Variants in ADAMTS17 observed in about 807,000 individuals in gnomAD.
ADAMTS17 encodes A disintegrin and metalloproteinase with thrombospondin motifs 17.
A neutral mutation model predicts 141.5 loss-of-function variants in ADAMTS17; 113 were observed. The observed-to-expected ratio is 0.80, with a 90% CI of 0.69 to 0.93. The LOEUF (loss-of-function observed/expected upper bound fraction) is 0.93, where lower values mean the gene tolerates loss of function less well. Among genes scored for constraint, ADAMTS17 ranks in the 40% least tolerant of loss-of-function variants. ADAMTS17 has a pLI of 0.00. For synonymous variants in ADAMTS17, 768 were observed against 630.6 expected, an observed-to-expected ratio of 1.22 and a Z score of -3.27; for missense variants, 1,659 against 1,517.9, an observed-to-expected ratio of 1.09 and a Z score of -1.54.
At chr15:100,314,729 A>C (rs1192701293) in intron 3 of ADAMTS17, among the ~76,000 whole-genome samples, 1 of 152,214 alleles carries the variant, frequency 6.6e-6, no homozygotes, top group Non-Finnish European at 1.5e-5. Context: ...TCGTCAGACA[A>C]GACTTTGGTT....
chr15:100,279,719 C>T (rs1333770740), intron 4 of ADAMTS17, among the ~76,000 whole-genome samples: 1 of 152,170 alleles, frequency 6.6e-6, no homozygotes, highest in Non-Finnish European at 1.5e-5. Flanking sequence ...AACCTTCGCA[C>T]CCCTTTCCCT....
intron 18 of ADAMTS17, among the ~76,000 whole-genome samples, chr15:100,027,133 C>T (rs1437235519): frequency 1.3e-5 from 2 of 152,202 alleles, no homozygotes; most frequent in Non-Finnish European, 2.9e-5. Context: ...CGCACTTTGT[C>T]TCTCTTTCCT....
intron 3 of ADAMTS17, among the ~76,000 whole-genome samples, chr15:100,299,080 G>A (rs1010968215): frequency 3.9e-5 from 6 of 152,018 alleles, no homozygotes; most frequent in African/African-American, 1.2e-4. Context: ...CAGATTAGGG[G>A]ACCCACCTTC....
At chr15:100,122,464 A>G (rs1434292821) in intron 12 of ADAMTS17, among the ~76,000 whole-genome samples, 2 of 152,160 alleles carry the variant, frequency 1.3e-5, no homozygotes, top group African/African-American at 4.8e-5. Flanking sequence ...TCTCTATAAC[A>G]CAGGGCCTCT....
At chr15:100,242,964 A>G (rs1242268622) in intron 7 of ADAMTS17, among the ~76,000 whole-genome samples, 1 of 152,208 alleles carries the variant, frequency 6.6e-6, no homozygotes, top group Non-Finnish European at 1.5e-5. Context: ...AACTCTGCCC[A>G]TTAAACACAA....
intron 3 of ADAMTS17, among the ~76,000 whole-genome samples, chr15:100,284,427 TG>T (rs2142093524): frequency 6.6e-6 from 1 of 152,316 alleles, no homozygotes; most frequent in African/African-American, 2.4e-5. Context: ...GGATGAATAA[TG>T]ACACTTGCTC....
At chr15:100,045,554 G>A (rs768805958) in intron 18 of ADAMTS17, among the ~76,000 whole-genome samples, 4 of 152,218 alleles carry the variant, frequency 2.6e-5, no homozygotes, top group Non-Finnish European at 2.9e-5. Flanking sequence ...TGGCCGGCCT[G>A]TCTTATTCTT....
intron 7 of ADAMTS17, among the ~76,000 whole-genome samples, chr15:100,251,597 C>A (rs2043156329): frequency 6.6e-6 from 1 of 152,162 alleles, no homozygotes. Context: ...TGGTGGCAGG[C>A]ACCTGTAGTC....
chr15:100,125,546 C>T (rs922654680), intron 12 of ADAMTS17, among the ~76,000 whole-genome samples: 7 of 152,186 alleles, frequency 4.6e-5, no homozygotes, highest in Non-Finnish European at 8.8e-5. Context: ...CCTGCTGCAC[C>T]TGCTGGGATG....
intron 18 of ADAMTS17, among the ~76,000 whole-genome samples, chr15:100,030,815 C>A (rs1336796737): frequency 6.6e-6 from 1 of 152,120 alleles, no homozygotes; most frequent in Non-Finnish European, 1.5e-5. Flanking sequence ...CTGGAAAATA[C>A]CAGCATGGGT....
chr15:100,229,191 T>C (rs920077259), intron 7 of ADAMTS17, among the ~76,000 whole-genome samples: 1 of 152,100 alleles, frequency 6.6e-6, no homozygotes, highest in East Asian at 1.9e-4. Context: ...CCAGCACAGC[T>C]TTAAGTCCTG....
At chr15:100,044,210 A>G (rs929328213) in intron 18 of ADAMTS17, among the ~76,000 whole-genome samples, 1 of 152,254 alleles carries the variant, frequency 6.6e-6, no homozygotes, top group East Asian at 1.9e-4. Context: ...TCTTTCACAA[A>G]CCTGGGAAAT....
chr15:100,068,779 A>G (rs1468677370), intron 15 of ADAMTS17, among the ~76,000 whole-genome samples: 1 of 152,226 alleles, frequency 6.6e-6, no homozygotes, highest in Non-Finnish European at 1.5e-5. Context: ...GACCAAAGGT[A>G]GATAAAACCA....
At chr15:100,008,352 T>C (rs2573662) in intron 18 of ADAMTS17, among the ~76,000 whole-genome samples, 92,198 of 151,878 alleles carry the variant, frequency 0.61, 28,575 homozygotes, top group African/African-American at 0.74. Context: ...GACCAAGAGG[T>C]AGAAGCAGCC....
chr15:100,152,946 A>G (rs1182388894), intron 9 of ADAMTS17, among the ~76,000 whole-genome samples, 184 bp from the exon 10 acceptor site: 11 of 21,732 alleles, frequency 5.1e-4, no homozygotes, highest in African/African-American at 8.8e-4. Flanking sequence ...CTCTTTTTCT[A>G]CATGGCCAAA....
chr15:100,265,306 G>A (rs967779523), intron 4 of ADAMTS17, among the ~76,000 whole-genome samples: 3 of 152,182 alleles, frequency 2.0e-5, no homozygotes, highest in Non-Finnish European at 2.9e-5. Flanking sequence ...ACAAAGTCTC[G>A]TCTTCTTTTT....
intron 7 of ADAMTS17, among the ~76,000 whole-genome samples, chr15:100,250,010 C>G (rs1258149903): frequency 6.6e-6 from 1 of 152,142 alleles, no homozygotes; most frequent in Non-Finnish European, 1.5e-5. Context: ...TGTGGAAGTA[C>G]TGGATGCCAC....
At position 100,209,522 on chromosome 15, in the gene ADAMTS17, C is replaced by G. The variant is rs144319316; in HGVS notation, c.1076-10099G>C. Among the ~76,000 whole-genome samples, 282 of 152,266 alleles carry G rather than the reference C, an allele frequency of 1.9e-3. 3 individuals carry two copies. Among genetic ancestry groups the G allele is most frequent in the Non-Finnish European group, 2.3e-3 (154 of 68,018 alleles). On this transcript the variant is annotated intron_variant, in intron 7 of 21. Transcript: ENST00000268070. ...GTCAAACTACCATGACAAGCCCTCC[C>G]TTCTGATGGCCCAGGGGAAGCCCTA...
rs1426135183 is a variant in ADAMTS17, at chr15:100,051,818, G to C, written c.2296-87C>G. 2.6e-6 allele frequency: 4 copies of C among 1,547,288 alleles called. No individual in the cohort carries two copies. In the African/African-American group the frequency reaches 4.1e-5, roughly 16 times the overall value. On this transcript the variant is annotated intron_variant, in intron 16 of 21. Coordinates refer to ENST00000268070, the MANE Select transcript of ADAMTS17 (RefSeq NM_139057.4). ...AATCTGCACACACAGGCACACTGCG[G>C]CTGTTTCTTTATGAGGGGTAACCAG...
Sources: allele counts gnomAD v4.1 joint callset (sites outside exome capture counted in the v4.1 genomes callset), GRCh38; gene constraint gnomAD v4.1.1; transcripts MANE v1.5; gene names NCBI Gene and HGNC (gene_info 2026-07-23, HGNC 2026-07-21).